The following SLC39A13 variants were observed in gnomAD, a reference collection of about 807,000 sequenced individuals.
SLC39A13 encodes the protein zinc transporter ZIP13.
In SLC39A13, 18 loss-of-function variants were observed where a neutral mutation model predicts 38.7. That is an observed-to-expected ratio of 0.47 (90% confidence interval 0.32 to 0.69). SLC39A13 has a LOEUF of 0.69. Ranked by LOEUF, SLC39A13 falls within the 30% of genes least tolerant of loss-of-function variation. The pLI, the probability that SLC39A13 is intolerant of heterozygous loss-of-function variation, is 0.03. For synonymous variants in SLC39A13, 212 were observed against 219.1 expected (o/e 0.97, Z 0.29); for missense variants, 395 against 490.7 (o/e 0.80, Z 1.84).
chr11:47,410,449 G>C, intron 2 of SLC39A13, 54 bp downstream of exon 2: 4 of 1,602,640 alleles, frequency 2.5e-6, no homozygotes, highest in Non-Finnish European at 3.4e-6. Context: ...GAAGCATGCT[G>C]CTGCTCTTCT....
Position 47,415,789 on chromosome 11 carries a change from C to T in SLC39A13, c.*426C>T, listed in dbSNP as rs2096024917. ...CCCACCTCCCACTGCCCCCTCAGCA[C>T]ACACACAGTCCCCAGGCGGCCTAGG... On this transcript the variant is annotated 3_prime_UTR_variant, in exon 10 of 10. Transcript: ENST00000362021. 2 of 308,798 alleles carry T rather than the reference C, an allele frequency of 6.5e-6. No individual in the cohort carries two copies. The highest frequency in any genetic ancestry group is 1.3e-5 in the Non-Finnish European group (2 of 158,600). 19.1% of individuals were successfully genotyped at this position (308,798 alleles called of 1,614,324 possible).
At chr11:47,414,968 G>A (rs776389724) in intron 8 of SLC39A13, 59 bp downstream of exon 8, 586 of 1,608,014 alleles carry the variant, frequency 3.6e-4, no homozygotes, top group Non-Finnish European at 4.6e-4. Context: ...CCAGCCAAAG[G>A]GTGTGGCTAC....
chr11:47,413,805 T>A, intron 6 of SLC39A13, 119 bp downstream of exon 6: 1 of 1,071,242 alleles, frequency 9.3e-7, no homozygotes, highest in Non-Finnish European at 1.4e-6. Context: ...TCTAAGGCTC[T>A]CATCCCCCAT....
At chr11:47,409,991 C>T in intron 1 of SLC39A13, 96 bp from the exon 2 acceptor site, 5 of 1,468,704 alleles carry the variant, frequency 3.4e-6, no homozygotes, top group Non-Finnish European at 4.7e-6. Flanking sequence ...GGGTGGATGC[C>T]AGGGTCCCTT....
At chr11:47,413,953 C>T (rs1209821207) in intron 6 of SLC39A13, 1 of 702,076 alleles carries the variant, frequency 1.4e-6, no homozygotes. Context: ...GCTTCTTCCT[C>T]TACCTCCTCC....
rs1013535029 is a variant in SLC39A13 at position 47,411,386 on chromosome 11, C to A, written c.302-540C>A. On this transcript the variant is annotated intron_variant, in intron 2 of 9. Coordinates refer to ENST00000362021, the MANE Select transcript of SLC39A13 (RefSeq NM_001128225.3). ...TTGGGAGGCTGAGGTGGGCAGATCA[C>A]CTGAGGTCAGGAGTTCGAGACCAGC... is the stretch of plus-strand genomic sequence containing the variant. Among the ~76,000 whole-genome samples the A allele has an allele frequency of 5.3e-5, 8 of 152,234 alleles. 1 individual carries two copies. The highest frequency in any genetic ancestry group is 6.8e-3 in the Middle Eastern group (2 of 294).
chr11:47,414,363 T>TG, intron 6 of SLC39A13, 62 bp from the exon 7 acceptor site: 1 of 1,548,040 alleles, frequency 6.5e-7, no homozygotes, highest in Non-Finnish European at 8.8e-7. Context: ...GTGGAATGAG[T>TG]GGGCGAGTGG....
chr11:47,411,812 C>A (rs2096000594), intron 2 of SLC39A13, 114 bp from the exon 3 acceptor site: 11 of 992,730 alleles, frequency 1.1e-5, no homozygotes, highest in Non-Finnish European at 1.7e-5. Context: ...GGAAGAGCAG[C>A]CACCCATATC....
chr11:47,411,006 A>G (rs1029334344), intron 2 of SLC39A13, among the ~76,000 whole-genome samples: 1 of 152,184 alleles, frequency 6.6e-6, no homozygotes, highest in African/African-American at 2.4e-5. Context: ...TGCAGGGAGC[A>G]CCTGGATTAT....
At chr11:47,408,402 G>A (rs2095980070), upstream of SLC39A13, among the ~76,000 whole-genome samples, 1 of 152,026 alleles carries the variant, frequency 6.6e-6, no homozygotes, top group Admixed American at 6.5e-5. Flanking sequence ...CCGCAGCCCT[G>A]CCCAAACGGA....
At chr11:47,413,331 C>A in intron 4 of SLC39A13, 69 bp from the exon 5 acceptor site, 2 of 1,480,816 alleles carry the variant, frequency 1.4e-6, no homozygotes, top group East Asian at 2.3e-5. Context: ...CCATCTCTCT[C>A]CCCTTCTGTC....
intron 3 of SLC39A13, 140 bp from the exon 4 acceptor site, chr11:47,412,206 T>A: frequency 1.5e-6 from 2 of 1,312,814 alleles, no homozygotes; most frequent in South Asian, 1.3e-5. Context: ...CTGGTCCCAG[T>A]GGGAGTTCTG....
In SLC39A13 at chr11:47,415,198, G is replaced by C. The variant is rs199651988; in HGVS notation, c.1040+39G>C. 32 of 1,612,084 alleles carry C rather than the reference G, an allele frequency of 2.0e-5. No individual in the cohort carries two copies. In the African/African-American group the frequency reaches 3.6e-4, roughly 18 times the overall value. ...TGGAGGAAGAGGACTGCCACTCACA[G>C]GGCCCTTAGGGGCTCAGGAGGGAAG... On this transcript the variant is annotated intron_variant, in intron 9 of 9. Transcript: ENST00000362021.
At chr11:47,412,295 G>A in intron 3 of SLC39A13, 51 bp from the exon 4 acceptor site, 2 of 1,583,762 alleles carry the variant, frequency 1.3e-6, no homozygotes, top group Non-Finnish European at 1.7e-6. Context: ...CCCCTCCTAT[G>A]GCCCTGGCTT....
Position 47,413,449 on chromosome 11 carries a change from A to G in SLC39A13, c.587A>G (p.His196Arg). The G allele has an allele frequency of 6.2e-7, 1 of 1,614,114 alleles. No individual in the cohort carries two copies. The highest frequency in any genetic ancestry group is 1.1e-5 in the South Asian group (1 of 91,086). ...TAAAAALNGGHCLAQPAAEPG... is the reference protein window; with the variant it reads ...TAAAAALNGGRCLAQPAAEPG... The stretch of plus-strand genomic sequence containing the variant: ...GCTGCCGCCGCGCTCAATGGAGGCC[A>G]CTGTCTGGCCCAGCCGGCTGCAGAG... Residue 196 changes from histidine to arginine, a missense_variant, in exon 5 of 10, where the codon CAC (histidine) becomes CGC (arginine). His to Arg is a conservative substitution (Grantham distance 29). Transcript: ENST00000362021.
At position 47,409,723 on chromosome 11, in the gene SLC39A13, C is replaced by T. The variant is rs576878728; in HGVS notation, c.-8-364C>T. 2.7e-4 allele frequency: 80 copies of T among 291,128 alleles called. No homozygotes were observed. The East Asian group carries it at 4.4e-3, about 16-fold the overall frequency. The allele number at this position is 291,128 out of a possible 1,614,324, so 18.0% of individuals were successfully genotyped here. The stretch of plus-strand genomic sequence containing the variant: ...AGGGGTGCCTCAGTCTCTGGGGTGT[C>T]GCGGGCGGCAGGGCCTCCCCTGGCA... On this transcript the variant is annotated intron_variant, in intron 1 of 9. Transcript: ENST00000362021.
upstream of SLC39A13, among the ~76,000 whole-genome samples, chr11:47,408,372 G>A (rs1227364579): frequency 2.0e-5 from 3 of 152,034 alleles, no homozygotes; most frequent in Non-Finnish European, 2.9e-5. Flanking sequence ...TCTCACTTCC[G>A]ACCGACCCTC....
intron 6 of SLC39A13, chr11:47,414,180 CTCTA>C (rs2096014007): frequency 1.6e-6 from 1 of 613,978 alleles, no homozygotes; most frequent in African/African-American, 1.8e-5. Context: ...CCCCTGGGCA[CTCTA>C]TCCATCCTTT....
intron 8 of SLC39A13, 33 bp from the exon 9 acceptor site, chr11:47,415,006 G>A: frequency 6.2e-7 from 1 of 1,612,028 alleles, no homozygotes; most frequent in African/African-American, 1.3e-5. Flanking sequence ...GGCCCGGGAG[G>A]TGGGGAGCAC....
Sources: allele counts gnomAD v4.1 joint callset (sites outside exome capture counted in the v4.1 genomes callset), GRCh38; gene constraint gnomAD v4.1.1; transcripts MANE v1.5; gene names NCBI Gene and HGNC (gene_info 2026-07-23, HGNC 2026-07-21).